MYO6: variants seen among roughly 807,000 people sequenced by gnomAD.
The protein encoded by MYO6 is unconventional myosin-VI.
MYO6 carries 74 observed loss-of-function variants against 178.7 expected under a neutral mutation model. The ratio of observed to expected loss-of-function variants is 0.41; its 90% CI spans 0.34 to 0.50. The LOEUF is 0.50. MYO6 is among the 20% of genes least tolerant of loss of function. The probability of loss-of-function intolerance (pLI) is 0.09; values close to 1 mark genes in which losing one functional copy is unlikely to be tolerated. For missense variants in MYO6, 1,330 were observed against 1,547.4 expected (o/e 0.86, Z 2.36); for synonymous variants, 477 against 504.6 (o/e 0.95, Z 0.73).
intron 1 of MYO6, among the ~76,000 whole-genome samples, chr6:75,816,558 C>T (rs549960541): frequency 2.4e-4 from 37 of 152,332 alleles, no homozygotes; most frequent in Non-Finnish European, 1.5e-4. Context: ...TATTCGTCAA[C>T]TTGTATACTT....
At chr6:75,891,512 G>T (rs1778904833) in intron 27 of MYO6, among the ~76,000 whole-genome samples, 1 of 152,014 alleles carries the variant, frequency 6.6e-6, no homozygotes, top group Admixed American at 6.6e-5. Flanking sequence ...GGCACCTGTA[G>T]CCCCAGCTAA....
chr6:75,864,116 C>T (rs968816581), intron 16 of MYO6, among the ~76,000 whole-genome samples: 2 of 152,088 alleles, frequency 1.3e-5, no homozygotes, highest in Non-Finnish European at 2.9e-5. Context: ...AAAGAAAAGC[C>T]GTTTAGAGTT....
chr6:75,756,446 CCT>C (rs1777361998), intron 1 of MYO6, among the ~76,000 whole-genome samples: 1 of 152,144 alleles, frequency 6.6e-6, no homozygotes, highest in Non-Finnish European at 1.5e-5. Context: ...GATTCCCCTG[CCT>C]CAGCCTCCTG....
At position 75,895,239 on chromosome 6, in the gene MYO6, G is replaced by A; in HGVS notation, c.3116G>A (p.Gly1039Glu). The change falls in exon 29 of 35, where the codon GGA becomes GAA. Residue 1039 changes from glycine to glutamate, a missense_variant. By Grantham distance (98) the Gly-to-Glu change is moderately conservative (BLOSUM62 -2). Around this residue, in one of 3 missense-constraint regions of MYO6, gnomAD observed 601 missense variants for 626.1 expected, o/e 0.96. Coordinates refer to ENST00000369977, the MANE Select transcript of MYO6 (RefSeq NM_004999.4). Reference protein sequence around the residue: ...QADLALRRNDGTRPKMTPEQM... With the variant: ...QADLALRRNDETRPKMTPEQM... ...ATATATTCTTTTCACAGAAATGATG[G>A]AACAAGACCCAAAATGACACCGTAT... The A allele has an allele frequency of 1.2e-6, 2 of 1,606,310 alleles. No individual in the cohort carries two copies. Among genetic ancestry groups the A allele is most frequent in the East Asian group, 4.5e-5 (2 of 44,646 alleles).
chr6:75,757,376 TATATATGTATAC>T (rs569379873), intron 1 of MYO6, among the ~76,000 whole-genome samples: 232 of 149,692 alleles, frequency 1.5e-3, no homozygotes, highest in African/African-American at 5.4e-3. Context: ...TGTGTGTGTA[TATATATGTATAC>T]ACATATATAT....
chr6:75,899,582 C>T (rs1779569573), intron 30 of MYO6, among the ~76,000 whole-genome samples: 1 of 151,892 alleles, frequency 6.6e-6, no homozygotes, highest in African/African-American at 2.4e-5. Flanking sequence ...GCAATTAAGA[C>T]CAAAAAGCTA....
intron 31 of MYO6, 35 bp downstream of exon 31, chr6:75,907,743 T>G (rs759298370): frequency 6.6e-7 from 1 of 1,520,908 alleles, no homozygotes. Context: ...ATAGAAAATG[T>G]TCATAGTGAT....
rs71002761 is a variant in MYO6 at position 75,757,972 on chromosome 6, C to CTTTTTTT, written c.-48+8566_-48+8572dup. On this transcript the variant is annotated intron_variant, in intron 1 of 34. Transcript: ENST00000369977. ...GATTTGGTTGGAATCTTGAAGTTGG[C>CTTTTTTT]TTTTTTTTTTTTTTTTTTTTTTTGA... 1.2e-3 allele frequency among the ~76,000 whole-genome samples: 92 copies of CTTTTTTT among 74,306 alleles called. 2 individuals carry two copies. The highest frequency in any genetic ancestry group is 1.5e-3 in the Non-Finnish European group (66 of 42,746). The allele number at this position is 74,306 out of a possible 152,430, so 48.7% of individuals were successfully genotyped here.
At chr6:75,770,392 A>G (rs958563971) in intron 1 of MYO6, among the ~76,000 whole-genome samples, 1 of 152,242 alleles carries the variant, frequency 6.6e-6, no homozygotes, top group African/African-American at 2.4e-5. Flanking sequence ...GAAAACAGCC[A>G]GAAGTAATGT....
intron 1 of MYO6, among the ~76,000 whole-genome samples, chr6:75,761,833 T>G (rs1036576271): frequency 6.6e-6 from 1 of 152,062 alleles, no homozygotes; most frequent in African/African-American, 2.4e-5. Context: ...GATTGAACAG[T>G]GAAAGGTTTA....
intron 2 of MYO6, among the ~76,000 whole-genome samples, chr6:75,822,152 C>T (rs1347723057): frequency 6.6e-6 from 1 of 150,860 alleles, no homozygotes; most frequent in African/African-American, 2.4e-5. Context: ...GGGTGGAGTG[C>T]AATGGCATGA....
chr6:75,892,825 T>A, intron 28 of MYO6, 135 bp downstream of exon 28: 1 of 895,716 alleles, frequency 1.1e-6, no homozygotes, highest in East Asian at 2.7e-5. Flanking sequence ...TAAAATAATT[T>A]TAAAATTATT....
rs1397936232 is a variant in MYO6 at position 75,917,153 on chromosome 6, T to C, written c.*2141T>C. On this transcript the variant is annotated 3_prime_UTR_variant, in exon 35 of 35. Transcript: ENST00000369977. ...ACAGCAGGAGTGGTGTCCTAAATGATGTTCATGCAGCTGCTTTACCATGTT... is the reference window on the plus strand; with the variant it reads ...ACAGCAGGAGTGGTGTCCTAAATGACGTTCATGCAGCTGCTTTACCATGTT... 1.3e-5 allele frequency: 2 copies of C among 152,682 alleles called. No individual in the cohort carries two copies. The highest frequency in any genetic ancestry group is 2.9e-5 in the Non-Finnish European group (2 of 68,050). The allele number at this position is 152,682 out of a possible 1,614,324, so 9.5% of individuals were successfully genotyped here.
At chr6:75,865,530 A>G (rs1158880679) in intron 16 of MYO6, among the ~76,000 whole-genome samples, 1 of 150,700 alleles carries the variant, frequency 6.6e-6, no homozygotes, top group Non-Finnish European at 1.5e-5. Context: ...TGCCTGGCTA[A>G]TTTTGCATAT....
At chr6:75,851,765 C>G (rs936241366) in intron 11 of MYO6, among the ~76,000 whole-genome samples, 1 of 152,068 alleles carries the variant, frequency 6.6e-6, no homozygotes, top group African/African-American at 2.4e-5. Context: ...TGATTGAGCC[C>G]TGGCGGTCGA....
chr6:75,852,967 A>G (rs1562248536), intron 11 of MYO6, among the ~76,000 whole-genome samples: 1 of 152,188 alleles, frequency 6.6e-6, no homozygotes. Flanking sequence ...TCCCATCAGA[A>G]GCGTATGAGG....
At chr6:75,855,080 T>G in intron 11 of MYO6, 59 bp from the exon 12 acceptor site, 1 of 1,391,600 alleles carries the variant, frequency 7.2e-7, no homozygotes, top group Non-Finnish European at 1.0e-6. Flanking sequence ...AAGAAATGGG[T>G]CTTGAAAATC....
intron 33 of MYO6, among the ~76,000 whole-genome samples, chr6:75,913,538 T>C (rs1421784549): frequency 6.6e-6 from 1 of 152,164 alleles, no homozygotes; most frequent in Non-Finnish European, 1.5e-5. Flanking sequence ...AATCCTAAAA[T>C]TTGTTGGCAA....
At position 75,795,040 on chromosome 6, in the gene MYO6, CT is replaced by C. The variant is rs1026151536; in HGVS notation, c.-47-22460del. ...TTGAATTTTAATTGTTGAATAATCA[CT>C]GTGTAATTAATTCCAGAGAATGACT... On this transcript the variant is annotated intron_variant, in intron 1 of 34. Coordinates refer to ENST00000369977, the MANE Select transcript of MYO6 (RefSeq NM_004999.4). Among the ~76,000 whole-genome samples the C allele has an allele frequency of 1.2e-3, 184 of 152,298 alleles. 2 individuals carry two copies. Among genetic ancestry groups the C allele is most frequent in the African/African-American group, 4.4e-3 (181 of 41,562 alleles).
Sources: gnomAD v4.1 joint callset for allele counts (sites outside exome capture counted in the v4.1 genomes callset) on GRCh38, gnomAD v4.1.1 for gene constraint, gnomAD v4.1.1 regional missense constraint, MANE v1.5 for transcripts, NCBI Gene and HGNC (gene_info 2026-07-23, HGNC 2026-07-21) for gene names.